GREB1: variants seen among roughly 807,000 people sequenced by gnomAD.
The protein encoded by GREB1 is protein GREB1.
In GREB1, 106 loss-of-function variants were observed where a neutral mutation model predicts 200.7. That is an observed-to-expected ratio of 0.53 (90% CI 0.45 to 0.62). The LOEUF (loss-of-function observed/expected upper bound fraction) is 0.62, where lower values mean the gene tolerates loss of function less well. Among genes scored for constraint, GREB1 ranks in the 20% least tolerant of loss-of-function variants. GREB1 has a pLI of 0.00. For missense variants in GREB1, 2,243 were observed against 2,556.8 expected (o/e 0.88, Z 2.65); for synonymous variants, 1,132 against 1,092.4 (o/e 1.04, Z -0.72).
rs778208659 is a variant in GREB1, at chr2:11,638,751, G to C, written c.5628G>C (p.Leu1876=). 20 of 1,614,052 alleles carry C rather than the reference G, an allele frequency of 1.2e-5. No individual in the cohort carries two copies. Among genetic ancestry groups the C allele is most frequent in the Non-Finnish European group, 1.7e-5 (20 of 1,180,012 alleles). Residue 1876 remains leucine, a synonymous_variant, in exon 32 of 33, where the codon CTG becomes CTC. Transcript: ENST00000381486. ...ACTTGCTGTTCAGTGGGCTGCTGCT[G>C]TACCTCTGTGACTCTTTTGTGGGAG... The part of the protein sequence containing the change: ...CSDLLFSGLL[L]YLCDSFVGAS...
At chr2:11,544,648 G>C (rs1236708225) in intron 1 of GREB1, among the ~76,000 whole-genome samples, 3 of 152,196 alleles carry the variant, frequency 2.0e-5, no homozygotes, top group African/African-American at 7.2e-5. Flanking sequence ...GAATGGGCTG[G>C]AGCCAGAAGG....
intron 1 of GREB1, among the ~76,000 whole-genome samples, chr2:11,547,092 G>A (rs1675354082): frequency 6.6e-6 from 1 of 151,992 alleles, no homozygotes; most frequent in Admixed American, 6.6e-5. Context: ...TTACAGGTGT[G>A]CCACCACGCC....
chr2:11,568,293 G>C (rs976358632), intron 4 of GREB1, among the ~76,000 whole-genome samples: 1 of 152,216 alleles, frequency 6.6e-6, no homozygotes, highest in Non-Finnish European at 1.5e-5. Context: ...AGAATGGAGA[G>C]AGGGGAGAAG....
At position 11,625,307 on chromosome 2, in the gene GREB1, G is replaced by A; in HGVS notation, c.4301G>A (p.Ser1434Asn). The part of the protein sequence containing the change: ...LICSHYQGIK[S>N]EDRGMSRKPE... ...TGTTCGCACTATCAGGGTATAAAGA[G>A]TGAAGGTCAGACTTTGAATCTCTCG... Residue 1434 changes from serine to asparagine, a missense_variant, in exon 24 of 33, where the codon AGT (serine) becomes AAT (asparagine). Around this residue, in one of 3 missense-constraint regions of GREB1, gnomAD observed 587 missense variants for 553.1 expected, o/e 1.06. Coordinates refer to ENST00000381486, the MANE Select transcript of GREB1 (RefSeq NM_014668.4). The A allele has an allele frequency of 6.2e-7, 1 of 1,614,032 alleles. No individual in the cohort carries two copies. The highest frequency in any genetic ancestry group is 1.7e-5 in the Admixed American group (1 of 60,014).
intron 1 of GREB1, among the ~76,000 whole-genome samples, chr2:11,513,266 A>T (rs573841730): frequency 6.6e-6 from 1 of 152,256 alleles, no homozygotes; most frequent in East Asian, 1.9e-4. Context: ...CATATCCCTG[A>T]CAGAGGCGGG....
intron 1 of GREB1, among the ~76,000 whole-genome samples, chr2:11,512,510 C>T (rs191639363): frequency 6.6e-6 from 1 of 152,278 alleles, no homozygotes; most frequent in Admixed American, 6.5e-5. Context: ...CAAGGGGAAA[C>T]GTGTGTATTT....
chr2:11,602,637 G>A, intron 17 of GREB1, 95 bp downstream of exon 17: 2 of 1,067,924 alleles, frequency 1.9e-6, no homozygotes, highest in Non-Finnish European at 2.9e-6. Flanking sequence ...AGGAAGGGAG[G>A]CCTTTCCTTC....
intron 1 of GREB1, among the ~76,000 whole-genome samples, chr2:11,483,362 G>A (rs1672564398): frequency 1.3e-5 from 2 of 151,972 alleles, no homozygotes; most frequent in African/African-American, 4.8e-5. Context: ...GAGCACCCGA[G>A]GCTCCTGGCG....
chr2:11,634,851 C>G (rs912564503), intron 29 of GREB1, among the ~76,000 whole-genome samples: 2 of 152,210 alleles, frequency 1.3e-5, no homozygotes, highest in Non-Finnish European at 1.5e-5. Context: ...CTTTGCAGCG[C>G]AGGCAGGCCA....
intron 13 of GREB1, among the ~76,000 whole-genome samples, chr2:11,596,540 T>G (rs915689724): frequency 0.14 from 519 of 3,810 alleles, no homozygotes; most frequent in South Asian, 0.17. Flanking sequence ...AGTGAGGGGG[T>G]GGGGGCACAG....
At chr2:11,524,218 A>G (rs1279068582) in intron 1 of GREB1, among the ~76,000 whole-genome samples, 1 of 152,208 alleles carries the variant, frequency 6.6e-6, no homozygotes, top group Non-Finnish European at 1.5e-5. Flanking sequence ...CATTATTGAT[A>G]AGGCCTGGTG....
chr2:11,523,173 A>G (rs1673759077), intron 1 of GREB1, among the ~76,000 whole-genome samples: 1 of 152,180 alleles, frequency 6.6e-6, no homozygotes, highest in Admixed American at 6.5e-5. Context: ...ATGGGAGCTA[A>G]ATGATGAGAA....
intron 4 of GREB1, among the ~76,000 whole-genome samples, chr2:11,568,265 A>G (rs1017966062): frequency 6.6e-6 from 1 of 152,228 alleles, no homozygotes; most frequent in Non-Finnish European, 1.5e-5. Context: ...TATGTCTGAG[A>G]AGCTGTGCAA....
At chr2:11,574,170 C>T (rs537198369) in intron 4 of GREB1, among the ~76,000 whole-genome samples, 116 of 152,292 alleles carry the variant, frequency 7.6e-4, no homozygotes, top group African/African-American at 2.6e-3. Context: ...CCTGTTTCCT[C>T]TCTTCTTTCT....
Position 11,629,886 on chromosome 2 carries a change from G to A in GREB1, c.4450-62G>A, listed in dbSNP as rs777664195. 5.4e-5 allele frequency: 83 copies of A among 1,536,470 alleles called. No homozygotes were observed. The highest frequency in any genetic ancestry group is 8.5e-5 in the Admixed American group (5 of 58,880). Reference sequence around the variant, plus strand: ...ACGTTGTCACAGCAGAGTGGGCCTGGGGTCTTCTGGGAAGCAGGCCGGACT... The same window carrying A: ...ACGTTGTCACAGCAGAGTGGGCCTGAGGTCTTCTGGGAAGCAGGCCGGACT... On this transcript the variant is annotated intron_variant, in intron 25 of 32. Coordinates refer to ENST00000381486, the MANE Select transcript of GREB1 (RefSeq NM_014668.4). The surrounding 1 kb of genome is among the most constrained non-coding windows in gnomAD (Gnocchi z 5.2).
chr2:11,615,207 A>T lies in GREB1; in HGVS notation c.3239A>T (p.Lys1080Met). 8 of 1,614,078 alleles carry T rather than the reference A, an allele frequency of 5.0e-6. No individual in the cohort carries two copies. Among genetic ancestry groups the T allele is most frequent in the Non-Finnish European group, 6.8e-6 (8 of 1,179,974 alleles). Residue 1080 changes from lysine to methionine, a missense_variant, in exon 20 of 33, where the codon AAG becomes ATG. Lys to Met is a moderately conservative substitution (Grantham distance 95, BLOSUM62 -1). Transcript: ENST00000381486. ...GTGAGCAACGAGGTTCCCTTGGAGA[A>T]GGGGGCTAGGAACGAGGCCTTGGAG... ...YFVSNEVPLE[K>M]GARNEALESD...
At chr2:11,550,154 G>T (rs919215813) in intron 1 of GREB1, among the ~76,000 whole-genome samples, 5 of 152,200 alleles carry the variant, frequency 3.3e-5, no homozygotes, top group African/African-American at 1.2e-4. Flanking sequence ...AGAGGCGAAG[G>T]TTGCAGTGAG....
At chr2:11,621,766 T>C (rs1273537515) in intron 23 of GREB1, among the ~76,000 whole-genome samples, 1 of 152,070 alleles carries the variant, frequency 6.6e-6, no homozygotes, top group Admixed American at 6.5e-5. Flanking sequence ...TGTGCTTCAG[T>C]TTTGACTTGG....
At chr2:11,579,660 G>A (rs1016514538) in intron 6 of GREB1, among the ~76,000 whole-genome samples, 1 of 152,188 alleles carries the variant, frequency 6.6e-6, no homozygotes, top group Admixed American at 6.5e-5. Flanking sequence ...TCAAACACAT[G>A]TCATCTGGCT....
Sources: gnomAD v4.1 joint callset for allele counts (sites outside exome capture counted in the v4.1 genomes callset) on GRCh38, gnomAD v4.1.1 for gene constraint, gnomAD v4.1.1 regional missense constraint, Gnocchi (gnomAD v3.1) non-coding constraint, MANE v1.5 for transcripts, NCBI Gene and HGNC (gene_info 2026-07-23, HGNC 2026-07-21) for gene names.